The following MPRIP variants were observed in gnomAD, a reference collection of about 807,000 sequenced individuals.
The protein encoded by MPRIP is myosin phosphatase Rho-interacting protein.
In MPRIP, 59 loss-of-function variants were observed where a neutral mutation model predicts 234.9. The observed-to-expected ratio is 0.25, with a 90% CI of 0.20 to 0.31. The LOEUF (loss-of-function observed/expected upper bound fraction) is 0.31. Ranked by LOEUF, MPRIP falls within the 10% of genes least tolerant of loss-of-function variation. The probability of loss-of-function intolerance (pLI) is 1.00; values close to 1 mark genes in which losing one functional copy is unlikely to be tolerated. For missense variants in MPRIP, 2,436 were observed against 3,071.0 expected, an observed-to-expected ratio of 0.79 and a Z score of 4.89; for synonymous variants, 1,144 against 1,263.9, an observed-to-expected ratio of 0.91 and a Z score of 2.01.
At chr17:17,072,255 A>T (rs972011811) in intron 1 of MPRIP, among the ~76,000 whole-genome samples, 3 of 152,124 alleles carry the variant, frequency 2.0e-5, no homozygotes, top group African/African-American at 4.8e-5. Context: ...CGCCTTGGGG[A>T]TGAGGACAGG....
rs200990767 is a variant in MPRIP, at chr17:17,147,359, G to A, written c.1601G>A (p.Arg534Lys). 831 of 1,614,170 alleles carry A rather than the reference G, an allele frequency of 5.1e-4. 6 individuals are homozygous for A. Among genetic ancestry groups the A allele is most frequent in the Middle Eastern group, 2.6e-3 (16 of 6,062 alleles). Residue 534 changes from arginine to lysine, a missense_variant, in exon 11 of 24, where the codon AGA becomes AAA. Transcript: ENST00000651222. ...TTTGTCCTCGCCGATCAAAGCCTGA[G>A]ATACTACAGGGATTCAGTGGCTGAG... ...HWFVLADQSLRYYRDSVAEEA... is the reference protein window; with the variant it reads ...HWFVLADQSLKYYRDSVAEEA...
At chr17:17,141,536 C>G (rs955359591) in intron 7 of MPRIP, 1 of 152,370 alleles carries the variant, frequency 6.6e-6, no homozygotes, top group Non-Finnish European at 1.5e-5. Flanking sequence ...GCCCGGGGCC[C>G]TCGCCCTCCT....
intron 2 of MPRIP, chr17:17,077,384 T>C (rs2089357149): frequency 6.6e-6 from 1 of 152,626 alleles, no homozygotes; most frequent in South Asian, 2.1e-4. Flanking sequence ...GGAGGGAGAG[T>C]AGAGCGGGGG....
intron 17 of MPRIP, 137 bp downstream of exon 17, chr17:17,172,002 CTA>C (rs1395609394): frequency 1.2e-5 from 13 of 1,105,856 alleles, no homozygotes; most frequent in Non-Finnish European, 1.5e-5. Context: ...GGTTCTTTGA[CTA>C]TTCACTCTGA....
At chr17:17,088,620 C>T (rs1394560459) in intron 3 of MPRIP, among the ~76,000 whole-genome samples, 2 of 152,192 alleles carry the variant, frequency 1.3e-5, no homozygotes, top group African/African-American at 4.8e-5. Flanking sequence ...CAAAGTCCCC[C>T]AGGGGCACAT....
At chr17:17,180,541 G>C (rs2046351101) in intron 23 of MPRIP, 2 of 1,447,378 alleles carry the variant, frequency 1.4e-6, no homozygotes, top group Admixed American at 1.7e-5. Context: ...GCGGGCGGAG[G>C]TGGGAGCGGC....
At chr17:17,183,923 C>CT (rs1174605223) in intron 23 of MPRIP, among the ~76,000 whole-genome samples, 2 of 152,242 alleles carry the variant, frequency 1.3e-5, no homozygotes, top group African/African-American at 4.8e-5. Context: ...CCTGCACCAG[C>CT]TCTGGCAAGG....
At chr17:17,150,324 C>T in intron 12 of MPRIP, 91 bp downstream of exon 12, 1 of 916,958 alleles carries the variant, frequency 1.1e-6, no homozygotes, top group East Asian at 2.4e-5. Flanking sequence ...CACTTCTGGA[C>T]AGGCCTGATG....
intron 9 of MPRIP, among the ~76,000 whole-genome samples, chr17:17,144,032 G>A (rs56243350): frequency 0.085 from 12,970 of 152,296 alleles, 701 homozygotes; most frequent in Middle Eastern, 0.15. Flanking sequence ...CAGAGGCCAC[G>A]TCTTGCTGGA....
rs1567752236 is a variant in MPRIP, at chr17:17,150,135, C to CCTCGA, written c.1630-5_1630-4insACTCG. On this transcript the variant is annotated splice_polypyrimidine_tract_variant and intron_variant, in intron 11 of 23. Transcript: ENST00000651222. ...AAAAATCTCAAGACATTCTCACTTC[C>CCTCGA]CTCGGCAGGCAGCCGACTTGGATGG... 6.2e-7 allele frequency: 1 copy of CCTCGA among 1,609,646 alleles called. No individual in the cohort carries two copies. Among genetic ancestry groups the CCTCGA allele is most frequent in the Non-Finnish European group, 8.5e-7 (1 of 1,176,366 alleles).
chr17:17,052,568 G>A (rs1039927933), intron 1 of MPRIP, among the ~76,000 whole-genome samples: 2 of 152,164 alleles, frequency 1.3e-5, no homozygotes, highest in Admixed American at 6.5e-5. Context: ...GTCCTGTTTG[G>A]CCACCTTGTC....
At chr17:17,161,555 T>A in intron 15 of MPRIP, among the ~76,000 whole-genome samples, 199 bp downstream of exon 15, 1 of 152,346 alleles carries the variant, frequency 6.6e-6, no homozygotes, top group East Asian at 1.9e-4. Context: ...CCTCCTGATA[T>A]GACATTTTGG....
At chr17:17,181,479 T>G (rs977818513) in intron 23 of MPRIP, 1 of 152,216 alleles carries the variant, frequency 6.6e-6, no homozygotes, top group Non-Finnish European at 1.5e-5. Flanking sequence ...GCCTAGTCAG[T>G]TTGGTTTTAT....
rs2045780337 is a variant in MPRIP at position 17,158,428 on chromosome 17, A to G, written c.1830-4A>G. ...CAGGCTATGTCCATCCTCCTGCCCC[A>G]CAGCTCGTTGCCAGAGGAAAAAAAC... On this transcript the variant is annotated splice_region_variant and splice_polypyrimidine_tract_variant and intron_variant, in intron 13 of 23. Coordinates refer to ENST00000651222, the MANE Select transcript of MPRIP (RefSeq NM_001364716.4). 1 of 1,550,370 alleles carries G rather than the reference A, an allele frequency of 6.5e-7. No individual in the cohort carries two copies. Among genetic ancestry groups the G allele is most frequent in the Non-Finnish European group, 8.7e-7 (1 of 1,148,604 alleles).
chr17:17,133,433 G>T (rs901917986), intron 5 of MPRIP, among the ~76,000 whole-genome samples: 1 of 152,158 alleles, frequency 6.6e-6, no homozygotes, highest in African/African-American at 2.4e-5. Context: ...CTTTGGTCAG[G>T]CCTCCCCTCT....
At chr17:17,161,214 A>G (rs1314912132) in intron 14 of MPRIP, 26 bp from the exon 15 acceptor site, 2 of 1,535,090 alleles carry the variant, frequency 1.3e-6, no homozygotes. Context: ...CATTTTGCAT[A>G]AAAGTGTGTG....
intron 5 of MPRIP, among the ~76,000 whole-genome samples, chr17:17,132,197 A>G (rs1390376137): frequency 2.0e-5 from 3 of 152,136 alleles, no homozygotes; most frequent in Non-Finnish European, 4.4e-5. Context: ...CTCAAGGCCC[A>G]GTCCTTCCCC....
At chr17:17,144,252 C>T (rs781057028) in intron 9 of MPRIP, among the ~76,000 whole-genome samples, 2 of 152,240 alleles carry the variant, frequency 1.3e-5, no homozygotes, top group Admixed American at 6.5e-5. Flanking sequence ...CTTGTCTCCT[C>T]CTTGCTGCCT....
intron 3 of MPRIP, among the ~76,000 whole-genome samples, chr17:17,109,673 G>A (rs895990298): frequency 1.3e-5 from 2 of 152,216 alleles, no homozygotes; most frequent in Non-Finnish European, 2.9e-5. Context: ...GAAACAATGA[G>A]CACACCTGCC....
Sources: gnomAD v4.1 joint callset for allele counts (sites outside exome capture counted in the v4.1 genomes callset) on GRCh38, gnomAD v4.1.1 for gene constraint, MANE v1.5 for transcripts, NCBI Gene and HGNC (gene_info 2026-07-23, HGNC 2026-07-21) for gene names.